PTPRQ: variants seen among roughly 807,000 people sequenced by gnomAD.
The protein encoded by PTPRQ is protein tyrosine phosphatase receptor type Q.
In PTPRQ, 199 loss-of-function variants were observed where a neutral mutation model predicts 246.0. The ratio of observed to expected loss-of-function variants is 0.81; its 90% confidence interval spans 0.72 to 0.91. PTPRQ has a LOEUF of 0.91. Ranked by LOEUF, PTPRQ falls within the 40% of genes least tolerant of loss-of-function variation. The pLI is 0.00. For synonymous variants in PTPRQ, 869 were observed against 853.2 expected (o/e 1.02, Z -0.32); for missense variants, 2,624 against 2,528.4 (o/e 1.04, Z -0.81).
intron 35 of PTPRQ, among the ~76,000 whole-genome samples, chr12:80,635,350 A>C (rs947026171): frequency 6.6e-6 from 1 of 152,218 alleles, no homozygotes. Flanking sequence ...TAAACCTTTG[A>C]CATTATGTTT....
chr12:80,542,512 G>A, intron 22 of PTPRQ, 148 bp downstream of exon 22: 1 of 1,278,500 alleles, frequency 7.8e-7, no homozygotes, highest in Non-Finnish European at 1.0e-6. Flanking sequence ...ATTTTTTTTT[G>A]CAATTTGAGC....
At chr12:80,521,434 G>GCCCATGC (rs2048400684) in intron 17 of PTPRQ, among the ~76,000 whole-genome samples, 2 of 152,146 alleles carry the variant, frequency 1.3e-5, no homozygotes, top group African/African-American at 4.8e-5. Context: ...TGAAGTCCTT[G>GCCCATGC]CCCATGCCTA....
intron 26 of PTPRQ, among the ~76,000 whole-genome samples, chr12:80,604,491 G>A (rs1415100326): frequency 1.3e-5 from 2 of 151,462 alleles, no homozygotes; most frequent in African/African-American, 4.8e-5. Context: ...GGAGTCATAA[G>A]GAATTCAAGA....
intron 6 of PTPRQ, among the ~76,000 whole-genome samples, chr12:80,465,849 C>T (rs11536120): frequency 0.46 from 69,508 of 151,966 alleles, 18,855 homozygotes; most frequent in South Asian, 0.63. Context: ...ATTGGTGGGA[C>T]GTATCTCAAA....
intron 14 of PTPRQ, among the ~76,000 whole-genome samples, chr12:80,504,288 A>C (rs1463153548): frequency 1.3e-5 from 2 of 151,712 alleles, no homozygotes; most frequent in Admixed American, 6.6e-5. Context: ...TCTGCTCTTT[A>C]ATACCTCAAG....
intron 44 of PTPRQ, 119 bp from the exon 45 acceptor site, chr12:80,678,867 C>G (rs1592788852): frequency 7.7e-7 from 1 of 1,297,664 alleles, no homozygotes; most frequent in African/African-American, 1.5e-5. Context: ...TAACTTTTCT[C>G]TAATCCAAGT....
intron 12 of PTPRQ, among the ~76,000 whole-genome samples, chr12:80,495,669 A>G (rs1047223961): frequency 6.6e-6 from 1 of 152,076 alleles, no homozygotes; most frequent in African/African-American, 2.4e-5. Context: ...ATAACTCATT[A>G]TTGAAGACTA....
chr12:80,561,432 A>G (rs1485557471), intron 25 of PTPRQ: 2 of 152,348 alleles, frequency 1.3e-5, no homozygotes, highest in African/African-American at 2.4e-5. Context: ...GTATATCTGA[A>G]GCAGAGGTGG....
rs186212405 is a variant in PTPRQ, at chr12:80,603,760, T to C, written c.4610-1299T>C. Among the ~76,000 whole-genome samples, 170 of 151,704 alleles carry C rather than the reference T, an allele frequency of 1.1e-3. 1 individual carries two copies. The highest frequency in any genetic ancestry group is 4.0e-3 in the African/African-American group (165 of 41,494). Reference sequence around the variant, plus strand: ...CCCTAACCCTGCTCTATCCTTCTCATCTATCAAAGACTAGTGCAATTCCCA... The same window carrying C: ...CCCTAACCCTGCTCTATCCTTCTCACCTATCAAAGACTAGTGCAATTCCCA... On this transcript the variant is annotated intron_variant, in intron 26 of 44. Coordinates refer to ENST00000644991, the MANE Select transcript of PTPRQ (RefSeq NM_001145026.2).
In PTPRQ at chr12:80,676,417, C is replaced by T. The variant is rs533265923; in HGVS notation, c.6739-2185C>T. Among the ~76,000 whole-genome samples the T allele has an allele frequency of 7.9e-5, 12 of 152,140 alleles. No individual in the cohort carries two copies. The East Asian group carries it at 1.4e-3, about 17-fold the overall frequency. ...CAGCACTTTGGGAGGCCAAGGTGGGCGGATCACCAGGGGTCAGGAGTTCGA... is the reference window on the plus strand; with the variant it reads ...CAGCACTTTGGGAGGCCAAGGTGGGTGGATCACCAGGGGTCAGGAGTTCGA... On this transcript the variant is annotated intron_variant, in intron 43 of 44. Coordinates refer to ENST00000644991, the MANE Select transcript of PTPRQ (RefSeq NM_001145026.2).
chr12:80,465,861 T>C (rs1422455882), intron 6 of PTPRQ, among the ~76,000 whole-genome samples: 1 of 152,120 alleles, frequency 6.6e-6, no homozygotes, highest in East Asian at 1.9e-4. Flanking sequence ...TATCTCAAAA[T>C]AATAAGAGCT....
intron 7 of PTPRQ, 88 bp downstream of exon 7, chr12:80,468,926 A>G: frequency 2.0e-6 from 3 of 1,471,668 alleles, no homozygotes; most frequent in Non-Finnish European, 2.7e-6. Flanking sequence ...AAAGTATCAG[A>G]CTCTTTTTAA....
intron 23 of PTPRQ, among the ~76,000 whole-genome samples, chr12:80,544,889 G>C (rs1477520395): frequency 6.6e-6 from 1 of 152,082 alleles, no homozygotes; most frequent in Non-Finnish European, 1.5e-5. Context: ...TCAATCCACT[G>C]TGGTCCACAG....
At chr12:80,654,366 G>T (rs767321733) in intron 38 of PTPRQ, among the ~76,000 whole-genome samples, 13 of 152,164 alleles carry the variant, frequency 8.5e-5, no homozygotes, top group Admixed American at 5.2e-4. Flanking sequence ...TTCTTTTAGA[G>T]AGTTAACCTA....
chr12:80,585,052 CA>C (rs1897566708), intron 25 of PTPRQ, among the ~76,000 whole-genome samples: 1 of 150,340 alleles, frequency 6.7e-6, no homozygotes, highest in African/African-American at 2.5e-5. Flanking sequence ...AGATGAAATC[CA>C]AAATTTTAAC....
intron 20 of PTPRQ, 62 bp from the exon 21 acceptor site, chr12:80,541,493 T>C: frequency 7.7e-7 from 1 of 1,299,776 alleles, no homozygotes; most frequent in Non-Finnish European, 9.9e-7. Context: ...ACTCAGTTTG[T>C]GAATTTAGAT....
At chr12:80,454,600 G>A in intron 3 of PTPRQ, 1 of 700,958 alleles carries the variant, frequency 1.4e-6, no homozygotes, top group Admixed American at 2.0e-5. Flanking sequence ...TGTTGGCTGT[G>A]GTTTGTCATA....
At chr12:80,495,970 A>G (rs1263587469) in intron 12 of PTPRQ, 29 bp from the exon 13 acceptor site, 1 of 1,541,144 alleles carries the variant, frequency 6.5e-7, no homozygotes, top group Admixed American at 2.1e-5. Flanking sequence ...TTTTAAGGAC[A>G]TTAAACAGTT....
chr12:80,564,284 A>G (rs979690394), intron 25 of PTPRQ, among the ~76,000 whole-genome samples: 3 of 152,078 alleles, frequency 2.0e-5, no homozygotes, highest in African/African-American at 4.8e-5. Context: ...TCTAGGATAT[A>G]TGAGACAAAA....
Sources: allele counts gnomAD v4.1 joint callset (sites outside exome capture counted in the v4.1 genomes callset), GRCh38; gene constraint gnomAD v4.1.1; transcripts MANE v1.5; gene names NCBI Gene and HGNC (gene_info 2026-07-23, HGNC 2026-07-21).